The following TRIM2 variants were observed in gnomAD, a reference collection of about 807,000 sequenced individuals.
TRIM2 encodes tripartite motif containing 2, also known as tripartite motif-containing protein 2.
TRIM2 carries 20 observed loss-of-function variants against 75.2 expected under a neutral mutation model. The observed-to-expected ratio is 0.27, with a 90% CI of 0.19 to 0.39. TRIM2 has a LOEUF of 0.39. TRIM2 is among the 10% of genes least tolerant of loss of function. The pLI is 1.00. For synonymous variants in TRIM2, 373 were observed against 388.3 expected (o/e 0.96, Z 0.46); for missense variants, 660 against 990.8 (o/e 0.67, Z 4.48).
chr4:153,302,066 T>C (rs2150174100), intron 6 of TRIM2, among the ~76,000 whole-genome samples: 1 of 152,330 alleles, frequency 6.6e-6, no homozygotes, highest in South Asian at 2.1e-4. Flanking sequence ...CACTTGGGGG[T>C]ATGGGCATTT....
chr4:153,323,186 A>T (rs1449048252), intron 9 of TRIM2, among the ~76,000 whole-genome samples: 1 of 152,040 alleles, frequency 6.6e-6, no homozygotes, highest in Non-Finnish European at 1.5e-5. Context: ...CTGAATGAGA[A>T]TTTTTTTTCA....
At chr4:153,175,383 A>T (rs1369196227) in intron 1 of TRIM2, among the ~76,000 whole-genome samples, 1 of 152,056 alleles carries the variant, frequency 6.6e-6, no homozygotes, top group Non-Finnish European at 1.5e-5. Flanking sequence ...AGTGATGTGC[A>T]CAGCCGGATA....
Position 153,337,627 on chromosome 4 carries a change from T to TA in TRIM2, c.*2662dup. ...TATTTTTGGGGGAAAGTGCTGCTGA[T>TA]ATGATACAAGTAGACAAAATTTAAA... is the stretch of plus-strand genomic sequence containing the variant. On this transcript the variant is annotated 3_prime_UTR_variant, in exon 12 of 12. Transcript: ENST00000338700. 1.0e-6 allele frequency: 1 copy of TA among 985,854 alleles called. No homozygotes were observed. Among genetic ancestry groups the TA allele is most frequent in the Non-Finnish European group, 1.2e-6 (1 of 829,926 alleles). 61.1% of individuals were successfully genotyped at this position (985,854 alleles called of 1,614,324 possible).
At chr4:153,290,708 C>G (rs888319524) in intron 3 of TRIM2, among the ~76,000 whole-genome samples, 31 of 152,302 alleles carry the variant, frequency 2.0e-4, no homozygotes, top group African/African-American at 6.5e-4. Context: ...CTCACTGCAA[C>G]CTCGAACTCC....
chr4:153,234,932 T>C (rs922542002), intron 1 of TRIM2, among the ~76,000 whole-genome samples: 1 of 152,110 alleles, frequency 6.6e-6, no homozygotes, highest in Admixed American at 6.6e-5. Flanking sequence ...TTCTTAACCT[T>C]CCCCGTGCCC....
Position 153,295,798 on chromosome 4 carries a change from G to A in TRIM2, c.1272G>A (p.Lys424=). The change falls in exon 6 of 12, where the codon AAG becomes AAA. Residue 424 remains lysine (K), a synonymous_variant. Transcript: ENST00000338700. The surrounding 1 kb of genome is among the most constrained non-coding windows in gnomAD (Gnocchi z 7.2). ...GTYEFLYTVQ[K]EGDFTLSLRL... ...ATGAGTTTTTGTACACTGTCCAGAA[G>A]GAAGGGGACTTTACCCTGTCTCTGA... 1 of 1,614,116 alleles carries A rather than the reference G, an allele frequency of 6.2e-7. No individual in the cohort carries two copies.
In TRIM2 at chr4:153,294,493, C is replaced by G. The variant is rs1762403140; in HGVS notation, c.786+8C>G. Reference sequence around the variant, plus strand: ...TATGGCCTCAAACACAAAGTAAGACCAGAATCATTACAGATGTCCTGGAAG... The same window carrying G: ...TATGGCCTCAAACACAAAGTAAGACGAGAATCATTACAGATGTCCTGGAAG... On this transcript the variant is annotated splice_region_variant and intron_variant, in intron 5 of 11. Transcript: ENST00000338700. 1.2e-6 allele frequency: 2 copies of G among 1,611,872 alleles called. No homozygotes were observed. Among genetic ancestry groups the G allele is most frequent in the African/African-American group, 1.3e-5 (1 of 74,838 alleles).
Position 153,292,928 on chromosome 4 carries a change from G to T in TRIM2, c.454-54G>T, listed in dbSNP as rs1464014985. The T allele has an allele frequency of 2.7e-6, 4 of 1,494,578 alleles. No individual in the cohort carries two copies. The African/African-American group carries it at 5.5e-5, about 21-fold the overall frequency. 92.6% of individuals were successfully genotyped at this position (1,494,578 alleles called of 1,614,324 possible). On this transcript the variant is annotated intron_variant, in intron 3 of 11. Transcript: ENST00000338700. ...CTGCAAGGCAAGTGCTTAGTGTAGA[G>T]TAAGCCCTCAACCCATGGCCCAGAA...
chr4:153,163,297 C>G (rs371310521), intron 1 of TRIM2, among the ~76,000 whole-genome samples: 53 of 152,158 alleles, frequency 3.5e-4, no homozygotes, highest in African/African-American at 1.2e-3. Flanking sequence ...GCAATCCTCC[C>G]ATCTCAGCCT....
upstream of TRIM2, among the ~76,000 whole-genome samples, chr4:153,200,142 T>C (rs897196089): frequency 1.3e-5 from 2 of 152,088 alleles, no homozygotes; most frequent in South Asian, 2.1e-4. Flanking sequence ...GGTTTCTCCA[T>C]GTTGGCCAGG....
intron 1 of TRIM2, among the ~76,000 whole-genome samples, chr4:153,169,404 T>C (rs1040319481): frequency 6.6e-6 from 1 of 152,224 alleles, no homozygotes; most frequent in African/African-American, 2.4e-5. Flanking sequence ...CCTACGTTTG[T>C]TTTCTGGGAG....
In TRIM2 at chr4:153,163,493, A is replaced by ATATTTTTT. The variant is rs1390228832; in HGVS notation, c.-49+10224_-49+10225insATTTTTTT. On this transcript the variant is annotated intron_variant, in intron 1 of 11. Transcript: ENST00000437508. ...ACCACTGCACCCAACCTAGATTTAC[A>ATATTTTTT]TCTTTTTTTTTTTTTTTTTTTTTTT... Among the ~76,000 whole-genome samples, 3 of 80,882 alleles carry ATATTTTTT rather than the reference A, an allele frequency of 3.7e-5. 1 individual carries two copies. The highest frequency in any genetic ancestry group is 7.9e-5 in the Non-Finnish European group (3 of 37,952). The allele number at this position is 80,882 out of a possible 152,430, so 53.1% of individuals were successfully genotyped here. A position where few individuals can be genotyped will look rare whatever the true frequency, so the allele number is the denominator to read the frequency against.
chr4:153,171,325 C>CACCACGT (rs1266540856), intron 1 of TRIM2, among the ~76,000 whole-genome samples: 1 of 152,220 alleles, frequency 6.6e-6, no homozygotes, highest in Non-Finnish European at 1.5e-5. Flanking sequence ...GTGACTCACA[C>CACCACGT]CTGTAATCCC....
intron 1 of TRIM2, among the ~76,000 whole-genome samples, chr4:153,246,979 G>A (rs1432165408): frequency 6.6e-6 from 1 of 152,226 alleles, no homozygotes; most frequent in African/African-American, 2.4e-5. Flanking sequence ...ATTTGGAGGA[G>A]GATGTGGAAG....
chr4:153,203,961 T>C (rs921805656), upstream of TRIM2, among the ~76,000 whole-genome samples: 3 of 152,190 alleles, frequency 2.0e-5, no homozygotes, highest in Non-Finnish European at 2.9e-5. Context: ...GCTCTGTAGA[T>C]GAGGTGAGTG....
At position 153,279,236 on chromosome 4, in the gene TRIM2, G is replaced by A. The variant is rs570757345; in HGVS notation, c.453+3106G>A. 6.6e-5 allele frequency among the ~76,000 whole-genome samples: 10 copies of A among 152,188 alleles called. No homozygotes were observed. The South Asian group carries it at 2.1e-3, about 32-fold the overall frequency. ...AGAGTACTCTTTGACTCAACAATCTGCCTCCCACAAATAAAAAGGCCTGTG... is the reference window on the plus strand; with the variant it reads ...AGAGTACTCTTTGACTCAACAATCTACCTCCCACAAATAAAAAGGCCTGTG... On this transcript the variant is annotated intron_variant, in intron 3 of 11. Coordinates refer to ENST00000338700, the MANE Select transcript of TRIM2 (RefSeq NM_015271.5).
chr4:153,259,810 A>G (rs1320814123), intron 1 of TRIM2, among the ~76,000 whole-genome samples: 1 of 152,228 alleles, frequency 6.6e-6, no homozygotes, highest in Non-Finnish European at 1.5e-5. Flanking sequence ...ATTTCCTCAT[A>G]GAAATTGGAG....
chr4:153,160,259 G>C (rs772809186), intron 1 of TRIM2, among the ~76,000 whole-genome samples: 3 of 152,132 alleles, frequency 2.0e-5, no homozygotes, highest in Non-Finnish European at 2.9e-5. Context: ...AGAGTAAGCT[G>C]TGTTATCTAA....
intron 1 of TRIM2, among the ~76,000 whole-genome samples, chr4:153,227,109 A>G (rs1742342885): frequency 2.6e-5 from 4 of 152,202 alleles, no homozygotes; most frequent in Admixed American, 2.6e-4. Context: ...TGGCTGTGGT[A>G]GAACCCTCTG....
Sources: gnomAD v4.1 joint callset for allele counts (sites outside exome capture counted in the v4.1 genomes callset) on GRCh38, gnomAD v4.1.1 for gene constraint, Gnocchi (gnomAD v3.1) non-coding constraint, MANE v1.5 for transcripts, NCBI Gene and HGNC (gene_info 2026-07-23, HGNC 2026-07-21) for gene names.